The following DAP3 variants were observed in gnomAD, a reference collection of about 807,000 sequenced individuals.
DAP3 encodes the protein small ribosomal subunit protein mS29.
DAP3 carries 28 observed loss-of-function variants against 51.9 expected under a neutral mutation model. That is an observed-to-expected ratio of 0.54 (90% CI 0.40 to 0.74). DAP3 has a LOEUF of 0.74. DAP3 is among the 30% of genes least tolerant of loss of function. DAP3 has a pLI of 0.00. For missense variants in DAP3, 458 were observed against 483.5 expected (o/e 0.95, Z 0.49); for synonymous variants, 170 against 170.3 (o/e 1.00, Z 0.01).
intron 1 of DAP3, among the ~76,000 whole-genome samples, chr1:155,708,066 A>C (rs942412152): frequency 2.0e-5 from 3 of 152,088 alleles, no homozygotes; most frequent in African/African-American, 7.2e-5. Flanking sequence ...TTTTGTTTTG[A>C]GACAGAGTTT....
intron 9 of DAP3, among the ~76,000 whole-genome samples, chr1:155,730,097 T>C (rs1033057472): frequency 1.4e-5 from 2 of 139,420 alleles, no homozygotes; most frequent in African/African-American, 3.1e-5. Context: ...TATGTATATA[T>C]ACACACATAT....
intron 6 of DAP3, 94 bp downstream of exon 6, chr1:155,726,113 C>CTTTT (rs377658512): frequency 9.5e-5 from 64 of 676,834 alleles, no homozygotes; most frequent in South Asian, 2.1e-4. Flanking sequence ...CTTTTCTTTT[C>CTTTT]TTTTTTTTTT....
In DAP3 at chr1:155,731,481, T is replaced by C. The variant is rs949356832; in HGVS notation, c.903+66T>C. On this transcript the variant is annotated intron_variant, in intron 10 of 12. Coordinates refer to ENST00000368336, the MANE Select transcript of DAP3 (RefSeq NM_004632.4). ...TATTATCATTTTAAACATGTTCTAC[T>C]ATTTCATTGCTAATACTTTACAGTC... 1.0e-5 allele frequency: 15 copies of C among 1,497,396 alleles called. No homozygotes were observed. In the Admixed American group the frequency reaches 2.5e-4, roughly 25 times the overall value. 92.8% of individuals were successfully genotyped at this position (1,497,396 alleles called of 1,614,324 possible).
At chr1:155,694,174 T>G (rs1303677577) in intron 1 of DAP3, among the ~76,000 whole-genome samples, 39 of 141,378 alleles carry the variant, frequency 2.8e-4, no homozygotes, top group Non-Finnish European at 2.9e-5. Flanking sequence ...TAGCCAATGT[T>G]GTCCGTAGCC....
chr1:155,704,697 A>G (rs1655724399), intron 1 of DAP3, among the ~76,000 whole-genome samples: 2 of 152,152 alleles, frequency 1.3e-5, no homozygotes, highest in South Asian at 2.1e-4. Context: ...ATTAAATAGT[A>G]TGGCTGGGCA....
intron 10 of DAP3, 57 bp downstream of exon 10, chr1:155,731,472 A>G (rs372850690): frequency 8.5e-6 from 13 of 1,536,212 alleles, no homozygotes; most frequent in Non-Finnish European, 1.2e-5. Flanking sequence ...CATTTTAAAC[A>G]TGTTCTACTA....
intron 4 of DAP3, among the ~76,000 whole-genome samples, chr1:155,724,678 C>T (rs1658373851): frequency 6.6e-6 from 1 of 150,964 alleles, no homozygotes; most frequent in African/African-American, 2.4e-5. Context: ...AATTTTAGGC[C>T]AGGTGCAGTG....
chr1:155,714,436 A>G (rs1403216641), intron 2 of DAP3, among the ~76,000 whole-genome samples: 1 of 152,140 alleles, frequency 6.6e-6, no homozygotes, highest in East Asian at 1.9e-4. Context: ...AACGATGAAA[A>G]AATCAAAGAT....
chr1:155,716,429 C>G (rs1206385326), intron 2 of DAP3, among the ~76,000 whole-genome samples: 14 of 151,914 alleles, frequency 9.2e-5, no homozygotes, highest in Admixed American at 8.5e-4. Context: ...AAAAATTAGC[C>G]AGGCGTGGTG....
intron 2 of DAP3, among the ~76,000 whole-genome samples, chr1:155,714,565 G>A (rs752843166): frequency 5.3e-5 from 8 of 151,986 alleles, no homozygotes; most frequent in Non-Finnish European, 1.2e-4. Context: ...AGGAGTTCCA[G>A]ACCAGCATGA....
intron 11 of DAP3, among the ~76,000 whole-genome samples, chr1:155,735,817 A>G (rs1259794821): frequency 1.4e-5 from 2 of 145,498 alleles, no homozygotes; most frequent in Admixed American, 6.9e-5. Flanking sequence ...GATTACAGGC[A>G]CGCATCACCA....
At chr1:155,692,379 C>T (rs1317580098) in intron 1 of DAP3, among the ~76,000 whole-genome samples, 3 of 141,646 alleles carry the variant, frequency 2.1e-5, no homozygotes, top group Admixed American at 6.6e-5. Flanking sequence ...CAACATGCCC[C>T]CCTTTTTTCT....
intron 1 of DAP3, among the ~76,000 whole-genome samples, chr1:155,696,141 T>C (rs1351466277): frequency 2.0e-5 from 3 of 152,212 alleles, no homozygotes; most frequent in African/African-American, 7.2e-5. Flanking sequence ...ACTGTAAGTG[T>C]TTTCATGGTA....
intron 6 of DAP3, chr1:155,727,160 G>A (rs1455446498): frequency 6.5e-6 from 1 of 152,996 alleles, no homozygotes; most frequent in Non-Finnish European, 1.5e-5. Context: ...TTTTTGTTCA[G>A]TGTTGTGTGC....
intron 1 of DAP3, among the ~76,000 whole-genome samples, chr1:155,695,736 C>T (rs1297899326): frequency 6.6e-6 from 1 of 152,186 alleles, no homozygotes. Context: ...TTAAAATCTT[C>T]TAATACTGCA....
rs1658537720 is a variant in DAP3 at position 155,726,020 on chromosome 1, G to C, written c.472+1G>C. 1 of 1,612,324 alleles carries C rather than the reference G, an allele frequency of 6.2e-7. No individual in the cohort carries two copies. Among genetic ancestry groups the C allele is most frequent in the African/African-American group, 1.3e-5 (1 of 74,800 alleles). On this transcript the variant is annotated splice_donor_variant, in intron 6 of 12. Coordinates refer to ENST00000368336, the MANE Select transcript of DAP3 (RefSeq NM_004632.4). LOFTEE classifies it high-confidence loss of function. The stretch of plus-strand genomic sequence containing the variant: ...TGGCTGATACTACATATTCCAGATG[G>C]TAAGAACTTCCTGTTGTTTCTTCTG...
At chr1:155,692,123 T>G (rs998262251) in intron 1 of DAP3, among the ~76,000 whole-genome samples, 1 of 141,974 alleles carries the variant, frequency 7.0e-6, no homozygotes. Flanking sequence ...CAACGTATCT[T>G]TAGTTAGCTG....
intron 1 of DAP3, among the ~76,000 whole-genome samples, chr1:155,708,328 C>A (rs1656243696): frequency 6.6e-6 from 1 of 152,118 alleles, no homozygotes; most frequent in Non-Finnish European, 1.5e-5. Flanking sequence ...GGATTACAGG[C>A]TTGAGCCACC....
chr1:155,687,967 C>T (rs1652755430), upstream of DAP3: 2 of 1,318,402 alleles, frequency 1.5e-6, no homozygotes, highest in African/African-American at 3.0e-5. Flanking sequence ...ACTGCTCTCC[C>T]AGAGGTCCAG....
Sources: allele counts gnomAD v4.1 joint callset (sites outside exome capture counted in the v4.1 genomes callset), GRCh38; gene constraint gnomAD v4.1.1; transcripts MANE v1.5; gene names NCBI Gene and HGNC (gene_info 2026-07-23, HGNC 2026-07-21).